The following ADGRV1 variants were observed in gnomAD, a reference collection of about 807,000 sequenced individuals.
The protein encoded by ADGRV1 is G-protein coupled receptor 98.
Under a neutral mutation model 596.2 loss-of-function variants are expected in ADGRV1, and 359 were observed. The observed-to-expected ratio is 0.60, with a 90% CI of 0.55 to 0.66. ADGRV1 has a LOEUF of 0.66. Among genes scored for constraint, ADGRV1 ranks in the 30% least tolerant of loss-of-function variants. The pLI is 0.00. For synonymous variants in ADGRV1, 2,681 were observed against 2,679.2 expected (o/e 1.00, Z -0.02); for missense variants, 7,274 against 7,575.6 (o/e 0.96, Z 1.48).
chr5:91,121,744 G>A (rs1012905532), intron 87 of ADGRV1, among the ~76,000 whole-genome samples: 6 of 151,842 alleles, frequency 4.0e-5, no homozygotes, highest in African/African-American at 1.5e-4. Context: ...CCAAATATGA[G>A]ATACAGGCTC....
intron 45 of ADGRV1, 30 bp from the exon 46 acceptor site, chr5:90,724,802 A>C: frequency 6.2e-7 from 1 of 1,604,440 alleles, no homozygotes; most frequent in Non-Finnish European, 8.5e-7. Flanking sequence ...AGGAGTAATA[A>C]ACTAGTAAAC....
At chr5:90,893,008 C>G (rs1770965378) in intron 83 of ADGRV1, among the ~76,000 whole-genome samples, 1 of 152,162 alleles carries the variant, frequency 6.6e-6, no homozygotes, top group Non-Finnish European at 1.5e-5. Flanking sequence ...TATACCAAAA[C>G]TTGGCAGCTT....
At chr5:90,855,144 C>T (rs1433003525) in intron 81 of ADGRV1, among the ~76,000 whole-genome samples, 2 of 152,106 alleles carry the variant, frequency 1.3e-5, no homozygotes, top group East Asian at 3.9e-4. Context: ...GCTCAGAAGG[C>T]TTGGCATCAG....
At chr5:91,122,409 A>C (rs1793402368) in intron 87 of ADGRV1, among the ~76,000 whole-genome samples, 1 of 152,340 alleles carries the variant, frequency 6.6e-6, no homozygotes, top group Non-Finnish European at 1.5e-5. Flanking sequence ...TTTATAACTG[A>C]TGATGTACTT....
chr5:90,971,859 C>G (rs879013406), intron 84 of ADGRV1, among the ~76,000 whole-genome samples: 4 of 152,102 alleles, frequency 2.6e-5, no homozygotes, highest in African/African-American at 7.2e-5. Flanking sequence ...CAATATTAAC[C>G]TTAAATGTAA....
chr5:90,893,460 G>A (rs1771015908), intron 83 of ADGRV1, among the ~76,000 whole-genome samples: 1 of 152,118 alleles, frequency 6.6e-6, no homozygotes, highest in African/African-American at 2.4e-5. Context: ...GAGTATATCA[G>A]GAGGTGGGGA....
At chr5:90,663,581 T>C (rs1179225503) in intron 21 of ADGRV1, among the ~76,000 whole-genome samples, 1 of 152,202 alleles carries the variant, frequency 6.6e-6, no homozygotes, top group Non-Finnish European at 1.5e-5. Context: ...ACTCTGATGG[T>C]AGTTTCTTTT....
At chr5:90,872,295 T>C (rs1768765095) in intron 83 of ADGRV1, among the ~76,000 whole-genome samples, 1 of 152,210 alleles carries the variant, frequency 6.6e-6, no homozygotes, top group Admixed American at 6.5e-5. Context: ...TTAAGAGTTT[T>C]TTTTCCCTGA....
chr5:90,840,850 T>C lies in ADGRV1; in HGVS notation c.16884T>C (p.Ile5628=), dbSNP rs770412262. ...TCTCAGATGCAGATTCGCAGGCCATTTGGGGGCTTGCAGATCAGCTACATC... is the reference window on the plus strand; with the variant it reads ...TCTCAGATGCAGATTCGCAGGCCATCTGGGGGCTTGCAGATCAGCTACATC... ...TLVSDADSQA[I]WGLADQLHQP... Residue 5628 remains isoleucine, a synonymous_variant, in exon 78 of 90, where the codon ATT becomes ATC. Transcript: ENST00000405460. The C allele has an allele frequency of 1.2e-5, 19 of 1,612,840 alleles. No homozygotes were observed. In the South Asian group the frequency reaches 2.1e-4, roughly 18 times the overall value.
chr5:90,730,443 C>T (rs1053302828), intron 50 of ADGRV1, among the ~76,000 whole-genome samples: 4 of 151,992 alleles, frequency 2.6e-5, no homozygotes, highest in Admixed American at 2.0e-4. Context: ...CAAGTATTTG[C>T]ATTTATGAAT....
intron 75 of ADGRV1, among the ~76,000 whole-genome samples, chr5:90,822,570 C>G (rs1763670561): frequency 1.3e-5 from 2 of 152,090 alleles, no homozygotes; most frequent in Non-Finnish European, 2.9e-5. Flanking sequence ...CGTGATGCCT[C>G]CAGCTTTGTT....
intron 86 of ADGRV1, among the ~76,000 whole-genome samples, chr5:91,086,139 C>G (rs1247307713): frequency 6.6e-6 from 1 of 152,174 alleles, no homozygotes; most frequent in East Asian, 1.9e-4. Flanking sequence ...ATAGCCCTTT[C>G]TTCTTATGCC....
intron 77 of ADGRV1, among the ~76,000 whole-genome samples, chr5:90,829,412 G>T (rs1246486499): frequency 1.3e-5 from 2 of 152,078 alleles, no homozygotes; most frequent in Non-Finnish European, 2.9e-5. Context: ...CTTTTGACAA[G>T]ATTGATTATA....
rs1044092340 is a variant in ADGRV1, at chr5:90,745,137, T to C, written c.10641T>C (p.Ser3547=). The C allele has an allele frequency of 1.4e-5, 22 of 1,613,626 alleles. No homozygotes were observed. The highest frequency in any genetic ancestry group is 1.6e-5 in the Non-Finnish European group (19 of 1,179,748). ...NQFSFVLEVP[S]AYDVASVTVK... ...TCTCTTTTGTTCTGGAAGTACCTTCTGCTTATGATGTGGCTTCTGTTACAG... is the reference window on the plus strand; with the variant it reads ...TCTCTTTTGTTCTGGAAGTACCTTCCGCTTATGATGTGGCTTCTGTTACAG... The change falls in exon 51 of 90, where the codon TCT becomes TCC. Residue 3547 remains serine (S), a synonymous_variant. Coordinates refer to ENST00000405460, the MANE Select transcript of ADGRV1 (RefSeq NM_032119.4).
intron 87 of ADGRV1, among the ~76,000 whole-genome samples, chr5:91,146,726 T>C (rs1795561616): frequency 6.6e-6 from 1 of 152,200 alleles, no homozygotes; most frequent in South Asian, 2.1e-4. Flanking sequence ...GTGAAATAGA[T>C]GGGAAAATAT....
chr5:90,604,882 G>A (rs1463920384), intron 1 of ADGRV1, among the ~76,000 whole-genome samples: 1 of 152,000 alleles, frequency 6.6e-6, no homozygotes, highest in Non-Finnish European at 1.5e-5. Flanking sequence ...TTTTCATTTT[G>A]TGCTTTGCAA....
chr5:90,644,223 AACTC>A (rs1767401666), intron 14 of ADGRV1, among the ~76,000 whole-genome samples: 1 of 152,184 alleles, frequency 6.6e-6, no homozygotes, highest in African/African-American at 2.4e-5. Context: ...TATGCAGTGC[AACTC>A]AAACACTCAA....
intron 87 of ADGRV1, among the ~76,000 whole-genome samples, chr5:91,114,849 T>C (rs1792712284): frequency 2.0e-5 from 3 of 152,184 alleles, no homozygotes; most frequent in Admixed American, 2.0e-4. Flanking sequence ...GAACATGCTG[T>C]CATTTCCTTT....
intron 87 of ADGRV1, 123 bp from the exon 88 acceptor site, chr5:91,149,907 T>C (rs1255888715): frequency 2.7e-5 from 17 of 633,038 alleles, no homozygotes; most frequent in Middle Eastern, 4.6e-4. Context: ...TATTTCTTCA[T>C]AGCAGCATGA....
Sources: allele counts gnomAD v4.1 joint callset (sites outside exome capture counted in the v4.1 genomes callset), GRCh38; gene constraint gnomAD v4.1.1; transcripts MANE v1.5; gene names NCBI Gene and HGNC (gene_info 2026-07-23, HGNC 2026-07-21).